Variants in ARMC1 observed in about 807,000 individuals in gnomAD.
ARMC1 encodes the protein armadillo repeat-containing protein 1.
In ARMC1, 16 loss-of-function variants were observed where a neutral mutation model predicts 31.4. That is an observed-to-expected ratio of 0.51 (90% CI 0.34 to 0.77). The LOEUF (loss-of-function observed/expected upper bound fraction) is 0.77, where lower values mean the gene tolerates loss of function less well. Among genes scored for constraint, ARMC1 ranks in the 30% least tolerant of loss-of-function variants. ARMC1 has a pLI of 0.01. For synonymous variants in ARMC1, 114 were observed against 118.9 expected (o/e 0.96, Z 0.27); for missense variants, 259 against 347.5 (o/e 0.75, Z 2.02).
intron 6 of ARMC1, 50 bp from the exon 7 acceptor site, chr8:65,604,635 T>C (rs756139019): frequency 3.9e-6 from 6 of 1,533,842 alleles, no homozygotes; most frequent in Non-Finnish European, 5.4e-6. Context: ...TTACTCCTTA[T>C]TCTAATTACC....
chr8:65,620,013 C>T (rs1308995986), intron 3 of ARMC1, among the ~76,000 whole-genome samples: 1 of 151,348 alleles, frequency 6.6e-6, no homozygotes, highest in African/African-American at 2.4e-5. Flanking sequence ...GACATGATGG[C>T]CTAAGTCCCT....
chr8:65,610,856 G>A (rs539177225), intron 4 of ARMC1, among the ~76,000 whole-genome samples: 4 of 151,954 alleles, frequency 2.6e-5, no homozygotes, highest in African/African-American at 4.8e-5. Context: ...AGTGAGCTTC[G>A]GTCATCTGTG....
At chr8:65,614,743 A>G (rs763246855) in intron 3 of ARMC1, among the ~76,000 whole-genome samples, 6 of 152,104 alleles carry the variant, frequency 3.9e-5, no homozygotes, top group Non-Finnish European at 1.5e-5. Flanking sequence ...TTTGTTCTAG[A>G]ATGCTTTCTA....
At chr8:65,615,950 T>C (rs1808242033) in intron 3 of ARMC1, among the ~76,000 whole-genome samples, 2 of 152,044 alleles carry the variant, frequency 1.3e-5, no homozygotes, top group African/African-American at 2.4e-5. Flanking sequence ...CCATTGTCAA[T>C]AGTTTTGCAT....
rs1013422449 is a variant in ARMC1 at position 65,602,622 on chromosome 8, T to C, written c.*1772A>G. On this transcript the variant is annotated 3_prime_UTR_variant, in exon 7 of 7. Transcript: ENST00000276569. ...GTAATACCTACTTGTCCTGAAACAT[T>C]ACTACCAAAGGGATGTAGTTTTTAA... The C allele has an allele frequency of 3.9e-5, 6 of 152,202 alleles. No individual in the cohort carries two copies. The highest frequency in any genetic ancestry group is 1.2e-4 in the African/African-American group (5 of 41,466). 9.4% of individuals were successfully genotyped at this position (152,202 alleles called of 1,614,324 possible).
chr8:65,624,357 G>T (rs1188233798), intron 2 of ARMC1, among the ~76,000 whole-genome samples: 1 of 151,444 alleles, frequency 6.6e-6, no homozygotes, highest in Non-Finnish European at 1.5e-5. Context: ...AAATTAGCCA[G>T]GCATGCTGAC....
In ARMC1 at chr8:65,605,335, A is replaced by G; in HGVS notation, c.585T>C (p.Ala195=). The part of the protein sequence containing the change: ...VRIRSDLKAE[A]LASAIASTKV... ...TGGTTGATGCTATTGCTGATGCCAA[A>G]GCCTAAGCCAAGATAAAAAGGAACA... The change falls in exon 6 of 7, where the codon GCT becomes GCC. Residue 195 remains alanine (A), a splice_region_variant and synonymous_variant. Coordinates refer to ENST00000276569, the MANE Select transcript of ARMC1 (RefSeq NM_018120.6). 6.2e-7 allele frequency: 1 copy of G among 1,613,680 alleles called. No homozygotes were observed. Among genetic ancestry groups the G allele is most frequent in the African/African-American group, 1.3e-5 (1 of 75,030 alleles).
intron 3 of ARMC1, among the ~76,000 whole-genome samples, chr8:65,620,290 ATTACTTTTTT>A (rs1309107938): frequency 2.4e-5 from 3 of 127,478 alleles, no homozygotes; most frequent in Non-Finnish European, 4.8e-5. Flanking sequence ...TATTATTATT[ATTACTTTTTT>A]TTTTTTTTTT....
chr8:65,622,597 T>A (rs949032889), intron 2 of ARMC1, among the ~76,000 whole-genome samples: 2 of 152,160 alleles, frequency 1.3e-5, no homozygotes, highest in African/African-American at 4.8e-5. Context: ...AATTAGGTTG[T>A]TCTGGTTTTA....
chr8:65,608,919 TAAAG>T (rs769251901), intron 4 of ARMC1, among the ~76,000 whole-genome samples: 51 of 151,734 alleles, frequency 3.4e-4, no homozygotes, highest in Non-Finnish European at 5.4e-4. Context: ...TCAAAAAAAA[TAAAG>T]AAAGAAAGAA....
At chr8:65,610,186 C>T (rs965989939) in intron 4 of ARMC1, among the ~76,000 whole-genome samples, 3 of 152,018 alleles carry the variant, frequency 2.0e-5, no homozygotes, top group African/African-American at 7.2e-5. Context: ...CAACCTCCAC[C>T]TCCCAGGTTC....
intron 3 of ARMC1, among the ~76,000 whole-genome samples, chr8:65,617,524 T>C (rs1229827389): frequency 1.3e-5 from 2 of 152,036 alleles, no homozygotes; most frequent in African/African-American, 2.4e-5. Flanking sequence ...CCAGAGACCT[T>C]TGTTCACTTG....
intron 4 of ARMC1, among the ~76,000 whole-genome samples, chr8:65,609,515 G>C (rs1808075957): frequency 6.6e-6 from 1 of 152,028 alleles, no homozygotes; most frequent in African/African-American, 2.4e-5. Flanking sequence ...CATATGGAAG[G>C]CTTATTTACT....
chr8:65,605,359 C>A (rs955110520), intron 5 of ARMC1, 22 bp from the exon 6 acceptor site: 1 of 1,613,266 alleles, frequency 6.2e-7, no homozygotes, highest in South Asian at 1.1e-5. Flanking sequence ...TAAAAAGGAA[C>A]AATTTTGAAA....
At chr8:65,618,427 CAGG>C (rs1161810528) in intron 3 of ARMC1, among the ~76,000 whole-genome samples, 1 of 147,862 alleles carries the variant, frequency 6.8e-6, no homozygotes, top group Non-Finnish European at 1.5e-5. Flanking sequence ...GAGGCCGAGG[CAGG>C]AGAATGGCCT....
intron 2 of ARMC1, among the ~76,000 whole-genome samples, chr8:65,624,331 T>C (rs1257986517): frequency 6.6e-6 from 1 of 151,210 alleles, no homozygotes; most frequent in Non-Finnish European, 1.5e-5. Flanking sequence ...AAACCCTGTC[T>C]CTACTAAAAA....
intron 4 of ARMC1, among the ~76,000 whole-genome samples, chr8:65,608,392 G>A (rs1219219661): frequency 2.0e-5 from 3 of 152,102 alleles, no homozygotes; most frequent in East Asian, 1.9e-4. Context: ...AGCGGGGCGT[G>A]GTGGTGGGTG....
chr8:65,626,755 T>C (rs1435766422), intron 2 of ARMC1, among the ~76,000 whole-genome samples: 5 of 152,110 alleles, frequency 3.3e-5, no homozygotes, highest in Non-Finnish European at 7.3e-5. Flanking sequence ...CCATGGTGAC[T>C]CACAGCTGTA....
In ARMC1 at chr8:65,619,977, C is replaced by CA. The variant is rs530126937; in HGVS notation, c.275+2285dup. The stretch of plus-strand genomic sequence containing the variant: ...CCAGCCTGGGCAACAGGATGAGACT[C>CA]AAAAAAAAAAAAAAAAAATTAGCAG... On this transcript the variant is annotated intron_variant, in intron 3 of 6. Transcript: ENST00000276569. 5.3e-3 allele frequency among the ~76,000 whole-genome samples: 496 copies of CA among 94,404 alleles called. 1 individual carries two copies. The highest frequency in any genetic ancestry group is 0.02 in the East Asian group (64 of 3,262). 61.9% of individuals were successfully genotyped at this position (94,404 alleles called of 152,430 possible).
Sources: gnomAD v4.1 joint callset for allele counts (sites outside exome capture counted in the v4.1 genomes callset) on GRCh38, gnomAD v4.1.1 for gene constraint, MANE v1.5 for transcripts, NCBI Gene and HGNC (gene_info 2026-07-23, HGNC 2026-07-21) for gene names.